DNAJC24: variants seen among roughly 807,000 people sequenced by gnomAD.
The protein encoded by DNAJC24 is dnaJ homolog subfamily C member 24.
In DNAJC24, 17 loss-of-function variants were observed where a neutral mutation model predicts 18.0. The observed-to-expected ratio is 0.94, with a 90% CI of 0.65 to 1.42. The LOEUF (loss-of-function observed/expected upper bound fraction) is 1.42. Among genes scored for constraint, DNAJC24 ranks in the 40% most tolerant of loss-of-function variants. The pLI, the probability that DNAJC24 is intolerant of heterozygous loss-of-function variation, is 0.00. For missense variants in DNAJC24, 158 were observed against 175.6 expected, an observed-to-expected ratio of 0.90 and a Z score of 0.57; for synonymous variants, 55 against 57.7, an observed-to-expected ratio of 0.95 and a Z score of 0.21.
At chr11:31,377,821 A>G (rs1163542129) in intron 2 of DNAJC24, among the ~76,000 whole-genome samples, 2 of 152,102 alleles carry the variant, frequency 1.3e-5, no homozygotes, top group African/African-American at 2.4e-5. Flanking sequence ...GTGTTGGAAA[A>G]TTATATGCTT....
At chr11:31,426,411 G>GA (rs1297934257) in intron 4 of DNAJC24, 56 bp downstream of exon 4, 1,559 of 978,036 alleles carry the variant, frequency 1.6e-3, no homozygotes, top group Non-Finnish European at 1.8e-3. Flanking sequence ...TTTTCTATAA[G>GA]AAAAAAAAAC....
chr11:31,398,532 G>A (rs1952566581), intron 2 of DNAJC24, among the ~76,000 whole-genome samples: 1 of 152,188 alleles, frequency 6.6e-6, no homozygotes, highest in South Asian at 2.1e-4. Context: ...AAAAGAAATA[G>A]ATAACTTTTA....
chr11:31,398,348 C>T (rs1401745655), intron 2 of DNAJC24, among the ~76,000 whole-genome samples: 1 of 152,014 alleles, frequency 6.6e-6, no homozygotes, highest in African/African-American at 2.4e-5. Flanking sequence ...TGCATGTAAT[C>T]CCATCATTAA....
rs561806195 is a variant in DNAJC24, at chr11:31,430,723, G to T, written c.*322G>T. 72 of 156,016 alleles carry T rather than the reference G, an allele frequency of 4.6e-4. 1 individual carries two copies. The highest frequency in any genetic ancestry group is 2.2e-3 in the South Asian group (11 of 5,012). 9.7% of individuals were successfully genotyped at this position (156,016 alleles called of 1,614,324 possible). Reference sequence around the variant, plus strand: ...AATATGAGCATGTCTCCTCTTTTCAGTGGGTAACAGTATCATCATATTCCT... The same window carrying T: ...AATATGAGCATGTCTCCTCTTTTCATTGGGTAACAGTATCATCATATTCCT... On this transcript the variant is annotated 3_prime_UTR_variant, in exon 5 of 5. Coordinates refer to ENST00000465995, the MANE Select transcript of DNAJC24 (RefSeq NM_181706.5).
chr11:31,376,770 T>A (rs528054462), intron 2 of DNAJC24, among the ~76,000 whole-genome samples: 13 of 152,182 alleles, frequency 8.5e-5, no homozygotes, highest in Non-Finnish European at 1.5e-4. Context: ...TGGATTTCCA[T>A]AGAACACCTC....
intron 2 of DNAJC24, among the ~76,000 whole-genome samples, chr11:31,377,474 A>G (rs1952328937): frequency 6.6e-6 from 1 of 152,128 alleles, no homozygotes; most frequent in African/African-American, 2.4e-5. Flanking sequence ...ATAGTTTACT[A>G]TATAAAAAAT....
At chr11:31,373,516 C>T (rs923524290) in intron 2 of DNAJC24, among the ~76,000 whole-genome samples, 3 of 135,312 alleles carry the variant, frequency 2.2e-5, no homozygotes, top group African/African-American at 7.4e-5. Context: ...TAATCAGTCT[C>T]AAAGTCATTG....
chr11:31,389,159 A>G (rs1381250450), intron 2 of DNAJC24, among the ~76,000 whole-genome samples: 1 of 152,214 alleles, frequency 6.6e-6, no homozygotes, highest in Non-Finnish European at 1.5e-5. Context: ...GTCCTTACTT[A>G]TCAATAATAA....
At chr11:31,383,842 C>T (rs1952402192) in intron 2 of DNAJC24, among the ~76,000 whole-genome samples, 3 of 152,356 alleles carry the variant, frequency 2.0e-5, no homozygotes, top group East Asian at 1.9e-4. Context: ...TGTGGGACTC[C>T]GTTTCAGCTT....
rs74873894 is a variant in DNAJC24 at position 31,405,763 on chromosome 11, C to A, written c.112-9048C>A. On this transcript the variant is annotated intron_variant, in intron 2 of 4. Transcript: ENST00000465995. ...TGTGACCCCCTGCACCCAGAGTGGT[C>A]ATTTATAATGAAAAAAAATTTATTG... Among the ~76,000 whole-genome samples the A allele has an allele frequency of 7.8e-3, 1,183 of 152,150 alleles. 18 individuals carry two copies. The highest frequency in any genetic ancestry group is 0.027 in the African/African-American group (1,132 of 41,492).
chr11:31,375,380 T>C (rs1485338546), intron 2 of DNAJC24, among the ~76,000 whole-genome samples: 1 of 135,302 alleles, frequency 7.4e-6, no homozygotes, highest in East Asian at 1.9e-4. Context: ...CATTTCATGA[T>C]ATTTCTCTAA....
intron 1 of DNAJC24, among the ~76,000 whole-genome samples, chr11:31,370,372 A>T (rs992989649): frequency 1.3e-5 from 2 of 152,068 alleles, no homozygotes; most frequent in African/African-American, 4.8e-5. Context: ...CAGCGTGTTT[A>T]GTGGGTGCTT....
At chr11:31,416,146 T>A (rs1044480571) in intron 3 of DNAJC24, 1 of 152,192 alleles carries the variant, frequency 6.6e-6, no homozygotes, top group African/African-American at 2.4e-5. Flanking sequence ...GAGCTTATTT[T>A]TTTCTTAAAT....
At chr11:31,407,846 T>A (rs1342405432) in intron 2 of DNAJC24, among the ~76,000 whole-genome samples, 1 of 151,494 alleles carries the variant, frequency 6.6e-6, no homozygotes, top group Non-Finnish European at 1.5e-5. Flanking sequence ...GTGCTAAATT[T>A]ATCAGTGGGT....
chr11:31,376,091 GGTAGTGAA>G (rs1273592307), intron 2 of DNAJC24, among the ~76,000 whole-genome samples: 25,925 of 125,870 alleles, frequency 0.21, 4,855 homozygotes, highest in Non-Finnish European at 0.3. Context: ...TTCTCCTCAT[GGTAGTGAA>G]TAAGTCTCAC....
rs756004449 is a variant in DNAJC24 at position 31,374,167 on chromosome 11, G to T, written c.111+3308G>T. The T allele has an allele frequency of 1.1e-5, 4 of 375,314 alleles. 2 individuals are homozygous for T. Among genetic ancestry groups the T allele is most frequent in the Admixed American group, 5.5e-5 (2 of 36,564 alleles). 23.2% of individuals were successfully genotyped at this position (375,314 alleles called of 1,614,324 possible). A position where few individuals can be genotyped will look rare whatever the true frequency, so the allele number is the denominator to read the frequency against. ...TGTTAAGAGCAGGTATCCTTGCCTT[G>T]TTCCTGATTTTAAGAGGAAAACCTT... On this transcript the variant is annotated intron_variant, in intron 2 of 4. Transcript: ENST00000465995.
chr11:31,410,744 C>T (rs1043808128), intron 2 of DNAJC24, among the ~76,000 whole-genome samples: 22 of 152,212 alleles, frequency 1.4e-4, no homozygotes, highest in Middle Eastern at 3.4e-3. Context: ...CCAGTTGTTT[C>T]GAAACAATTT....
chr11:31,420,537 T>C (rs982342754), intron 3 of DNAJC24, among the ~76,000 whole-genome samples: 11 of 152,134 alleles, frequency 7.2e-5, no homozygotes, highest in African/African-American at 2.7e-4. Flanking sequence ...TTTTAGTCAT[T>C]TTCTTATGGT....
intron 2 of DNAJC24, among the ~76,000 whole-genome samples, chr11:31,385,851 T>C (rs1952424535): frequency 6.6e-6 from 1 of 152,100 alleles, no homozygotes; most frequent in Non-Finnish European, 1.5e-5. Flanking sequence ...TGGAGTAGGA[T>C]AGGAAAGACA....
Sources: gnomAD v4.1 joint callset for allele counts (sites outside exome capture counted in the v4.1 genomes callset) on GRCh38, gnomAD v4.1.1 for gene constraint, MANE v1.5 for transcripts, NCBI Gene and HGNC (gene_info 2026-07-23, HGNC 2026-07-21) for gene names.